The following RAD51B variants were observed in gnomAD, a reference collection of about 807,000 sequenced individuals.
RAD51B encodes DNA repair protein RAD51 homolog 2.
RAD51B carries 38 observed loss-of-function variants against 42.2 expected under a neutral mutation model. That is an observed-to-expected ratio of 0.90 (90% CI 0.70 to 1.18). The LOEUF (loss-of-function observed/expected upper bound fraction) is 1.18, where lower values mean the gene tolerates loss of function less well. RAD51B is among the 50% of genes most tolerant of loss of function. The pLI is 0.00. For synonymous variants in RAD51B, 154 were observed against 145.2 expected (o/e 1.06, Z -0.43); for missense variants, 373 against 400.7 (o/e 0.93, Z 0.59).
At chr14:68,613,774 C>A (rs1251571262), downstream of RAD51B, among the ~76,000 whole-genome samples, 2 of 152,184 alleles carry the variant, frequency 1.3e-5, no homozygotes, top group East Asian at 3.9e-4. Context: ...CCTTAAATGG[C>A]TAAGAGCCTT....
intron 10 of RAD51B, chr14:68,541,382 G>A (rs769903322): frequency 1.6e-4 from 161 of 985,320 alleles, no homozygotes; most frequent in Non-Finnish European, 1.9e-4. Context: ...GTCCTTCCCA[G>A]AAGCACATCT....
chr14:67,828,196 A>G (rs1344880230), intron 3 of RAD51B, among the ~76,000 whole-genome samples: 1 of 151,928 alleles, frequency 6.6e-6, no homozygotes, highest in Non-Finnish European at 1.5e-5. Context: ...TTGGTGTGAG[A>G]TGGTATCTCA....
At chr14:68,425,975 T>TCTTTCTTTCTTCCTTCCTTCCTTC (rs1555407995) in intron 9 of RAD51B, among the ~76,000 whole-genome samples, 12 of 86,068 alleles carry the variant, frequency 1.4e-4, no homozygotes, top group Admixed American at 2.7e-4. Flanking sequence ...TTTCTTTCTT[T>TCTTTCTTTCTTCCTTCCTTCCTTC]CTTCCTTCCT....
intron 10 of RAD51B, among the ~76,000 whole-genome samples, chr14:68,634,089 A>G (rs1331542662): frequency 1.3e-5 from 2 of 152,142 alleles, no homozygotes; most frequent in Non-Finnish European, 2.9e-5. Flanking sequence ...CAGCCTCTTG[A>G]GTTGGACTCC....
chr14:68,165,607 A>T (rs1158599525), intron 7 of RAD51B, among the ~76,000 whole-genome samples: 12 of 152,138 alleles, frequency 7.9e-5, no homozygotes, highest in Admixed American at 7.9e-4. Flanking sequence ...CAGACTCATT[A>T]TTTCACACTA....
At chr14:68,473,367 G>A (rs1304329422) in intron 10 of RAD51B, among the ~76,000 whole-genome samples, 1 of 152,190 alleles carries the variant, frequency 6.6e-6, no homozygotes, top group Non-Finnish European at 1.5e-5. Context: ...AGTTTGTCTA[G>A]GCCAAGGCGC....
intron 10 of RAD51B, among the ~76,000 whole-genome samples, chr14:68,601,419 T>G (rs1472113221): frequency 6.6e-6 from 1 of 152,164 alleles, no homozygotes; most frequent in Non-Finnish European, 1.5e-5. Context: ...ATAAACAGAA[T>G]GATGATACCT....
At position 68,625,099 on chromosome 14, in the gene RAD51B, T is replaced by C. The variant is rs150895588; in HGVS notation, c.1037-25682T>C. On this transcript the variant is annotated intron_variant, in intron 10 of 11. Transcript: ENST00000488612. Reference sequence around the variant, plus strand: ...GCCAATAAGTGGTGGAGCTGGGACCTGGACTAGTCCCAGCCCTAGTGCCCA... The same window carrying C: ...GCCAATAAGTGGTGGAGCTGGGACCCGGACTAGTCCCAGCCCTAGTGCCCA... 8.8e-4 allele frequency among the ~76,000 whole-genome samples: 134 copies of C among 152,318 alleles called. 1 individual carries two copies. The highest frequency in any genetic ancestry group is 3.0e-3 in the African/African-American group (124 of 41,568).
intron 5 of RAD51B, among the ~76,000 whole-genome samples, chr14:67,877,534 G>A (rs747666370): frequency 7.2e-5 from 11 of 152,080 alleles, no homozygotes; most frequent in Non-Finnish European, 1.5e-4. Context: ...TGGGCTTCTA[G>A]TCTTTTTATT....
At chr14:67,876,739 G>A (rs117655764) in intron 5 of RAD51B, among the ~76,000 whole-genome samples, 8 of 152,260 alleles carry the variant, frequency 5.3e-5, no homozygotes, top group Non-Finnish European at 1.2e-4. Context: ...GAAATGAGTC[G>A]TTCTGGCAGT....
intron 10 of RAD51B, among the ~76,000 whole-genome samples, chr14:68,603,393 G>T (rs888677946): frequency 2.0e-5 from 3 of 152,210 alleles, no homozygotes; most frequent in African/African-American, 7.2e-5. Context: ...ACTGACAGTG[G>T]TCTGTAGGGA....
chr14:68,452,216 G>T (rs941498424), intron 9 of RAD51B, among the ~76,000 whole-genome samples: 10 of 152,230 alleles, frequency 6.6e-5, no homozygotes, highest in African/African-American at 2.4e-4. Context: ...CCTGATTTAG[G>T]GTGGAGAAAG....
intron 7 of RAD51B, among the ~76,000 whole-genome samples, chr14:68,155,145 G>A (rs1299681405): frequency 6.6e-6 from 1 of 151,964 alleles, no homozygotes; most frequent in East Asian, 1.9e-4. Context: ...TATATAAAAG[G>A]AAATTACGCA....
At chr14:68,151,163 A>G (rs749326977) in intron 7 of RAD51B, among the ~76,000 whole-genome samples, 10 of 151,848 alleles carry the variant, frequency 6.6e-5, no homozygotes, top group African/African-American at 9.6e-5. Context: ...TTTTTGAAAG[A>G]TATCTTTGTT....
intron 7 of RAD51B, among the ~76,000 whole-genome samples, chr14:67,967,950 G>C (rs1014950466): frequency 6.6e-5 from 10 of 152,184 alleles, no homozygotes; most frequent in African/African-American, 2.4e-4. Context: ...CCCTGCTCCT[G>C]CAGCAAACTT....
intron 7 of RAD51B, among the ~76,000 whole-genome samples, chr14:67,915,049 G>T (rs2044105946): frequency 6.6e-6 from 1 of 152,140 alleles, no homozygotes; most frequent in African/African-American, 2.4e-5. Context: ...ACATAAAGAT[G>T]GGAGCAGTAG....
At chr14:68,381,584 G>A (rs1422133329) in intron 8 of RAD51B, among the ~76,000 whole-genome samples, 2 of 152,170 alleles carry the variant, frequency 1.3e-5, no homozygotes, top group Admixed American at 6.5e-5. Context: ...GCTGAGGCAG[G>A]AGAATGGCGT....
At chr14:68,466,979 C>T (rs2086002571) in intron 9 of RAD51B, among the ~76,000 whole-genome samples, 1 of 152,162 alleles carries the variant, frequency 6.6e-6, no homozygotes, top group Admixed American at 6.5e-5. Context: ...TTAAGATAGG[C>T]CAAGATATTA....
chr14:68,280,713 A>T (rs2139622411), intron 7 of RAD51B, among the ~76,000 whole-genome samples: 1 of 152,352 alleles, frequency 6.6e-6, no homozygotes, highest in Admixed American at 6.5e-5. Context: ...GGATAACACA[A>T]ATGACATAAA....
Sources: allele counts gnomAD v4.1 joint callset (sites outside exome capture counted in the v4.1 genomes callset), GRCh38; gene constraint gnomAD v4.1.1; transcripts MANE v1.5; gene names NCBI Gene and HGNC (gene_info 2026-07-23, HGNC 2026-07-21).